The following ATRAID variants were observed in gnomAD, a reference collection of about 807,000 sequenced individuals.
ATRAID encodes all-trans retinoic acid induced differentiation factor, also known as all-trans retinoic acid-induced differentiation factor.
A neutral mutation model predicts 28.8 loss-of-function variants in ATRAID; 26 were observed. The ratio of observed to expected loss-of-function variants is 0.90; its 90% CI spans 0.66 to 1.25. The LOEUF is 1.25. ATRAID is among the 50% of genes most tolerant of loss of function. The probability of loss-of-function intolerance (pLI) is 0.00; values close to 1 mark genes in which losing one functional copy is unlikely to be tolerated. For synonymous variants in ATRAID, 131 were observed against 108.5 expected, an observed-to-expected ratio of 1.21 and a Z score of -1.29; for missense variants, 308 against 285.9, an observed-to-expected ratio of 1.08 and a Z score of -0.56.
At chr2:27,212,954 G>A (rs1674656654) in intron 1 of ATRAID, 1 of 565,112 alleles carries the variant, frequency 1.8e-6, no homozygotes, top group African/African-American at 1.9e-5. Context: ...GCGATATCTG[G>A]TACTGAAAGT....
Position 27,212,054 on chromosome 2 carries a change from G to A in ATRAID, c.-315G>A, listed in dbSNP as rs1407666348. On this transcript the variant is annotated 5_prime_UTR_variant, in exon 1 of 7. Coordinates refer to ENST00000380171, the MANE Select transcript of ATRAID (RefSeq NM_001170795.4). The stretch of plus-strand genomic sequence containing the variant: ...ATGGAGGGGCCCGAGTTTCTGCGAA[G>A]CCGCGACCTCGGCGTCCGGACGCGG... The A allele has an allele frequency of 2.8e-6, 3 of 1,072,482 alleles. No individual in the cohort carries two copies. The highest frequency in any genetic ancestry group is 3.4e-5 in the African/African-American group (2 of 58,378). 66.4% of individuals were successfully genotyped at this position (1,072,482 alleles called of 1,614,324 possible). A position where few individuals can be genotyped will look rare whatever the true frequency, so the allele number is the denominator to read the frequency against.
rs1425859235 is a variant in ATRAID, at chr2:27,212,250, G to C, written c.-119G>C. 1 of 1,560,492 alleles carries C rather than the reference G, an allele frequency of 6.4e-7. No individual in the cohort carries two copies. Among genetic ancestry groups the C allele is most frequent in the Non-Finnish European group, 8.7e-7 (1 of 1,152,846 alleles). On this transcript the variant is annotated 5_prime_UTR_variant, in exon 1 of 7. Transcript: ENST00000380171. ...CACGAGCAGGAAAAGCCCCCAAGCA[G>C]CCCCAGGGCGACTGGACCGGGCCGC...
In ATRAID at chr2:27,217,096, G is replaced by T; in HGVS notation, c.*148G>T. 1.6e-6 allele frequency: 1 copy of T among 628,896 alleles called. No homozygotes were observed. Among genetic ancestry groups the T allele is most frequent in the Non-Finnish European group, 2.7e-6 (1 of 367,538 alleles). The allele number at this position is 628,896 out of a possible 1,614,324, so 39.0% of individuals were successfully genotyped here. On this transcript the variant is annotated 3_prime_UTR_variant, in exon 7 of 7. Coordinates refer to ENST00000380171, the MANE Select transcript of ATRAID (RefSeq NM_001170795.4). ...GGAAGATGAAAAATTGCACTCCCTT[G>T]GTGTAGACAAATACCAGTTCCCATT...
intron 1 of ATRAID, 86 bp from the exon 2 acceptor site, chr2:27,213,091 G>A: frequency 1.3e-6 from 2 of 1,528,744 alleles, no homozygotes; most frequent in Non-Finnish European, 1.8e-6. Flanking sequence ...TTCTGGAAAC[G>A]TGTACTGGCA....
chr2:27,214,387 C>T (rs2148044542), intron 2 of ATRAID, among the ~76,000 whole-genome samples: 1 of 146,198 alleles, frequency 6.8e-6, no homozygotes, highest in Admixed American at 7.1e-5. Flanking sequence ...GTAGAAAATA[C>T]ATGTGGAAAA....
At position 27,216,554 on chromosome 2, in the gene ATRAID, T is replaced by A; in HGVS notation, c.519T>A (p.Pro173=). 6.2e-7 allele frequency: 1 copy of A among 1,614,164 alleles called. No homozygotes were observed. Among genetic ancestry groups the A allele is most frequent in the Non-Finnish European group, 8.5e-7 (1 of 1,179,982 alleles). Residue 173 remains proline, a synonymous_variant, in exon 6 of 7, where the codon CCT becomes CCA. Transcript: ENST00000380171. ...EMCPENGSCV[P]DGPGLLQCVC... is the part of the protein sequence containing the mutation. The stretch of plus-strand genomic sequence containing the variant: ...GTCCTGAGAATGGATCTTGTGTACC[T>A]GATGGTCCAGGTCTTTTGCAGTGTG...
chr2:27,216,889 A>ACT lies in ATRAID; in HGVS notation c.634_635dup (p.Ser213TyrfsTer26), dbSNP rs2148048396. On this transcript the variant is annotated frameshift_variant, in exon 7 of 7. Coordinates refer to ENST00000380171, the MANE Select transcript of ATRAID (RefSeq NM_001170795.4). LOFTEE classifies it high-confidence loss of function. ...GTTCTTCGGGATTCTGGGAGCCACC[A>ACT]CTCTATCCGTCTCCATTCTGCTTTG... The ACT allele has an allele frequency of 6.2e-7, 1 of 1,614,046 alleles. No individual in the cohort carries two copies. Among genetic ancestry groups the ACT allele is most frequent in the East Asian group, 2.2e-5 (1 of 44,864 alleles).
intron 1 of ATRAID, chr2:27,212,756 T>C: frequency 1.1e-6 from 1 of 880,128 alleles, no homozygotes; most frequent in Non-Finnish European, 1.6e-6. Context: ...TTGTGTAATC[T>C]CTCTACGCAC....
intron 6 of ATRAID, 90 bp from the exon 7 acceptor site, chr2:27,216,754 G>T: frequency 7.0e-7 from 1 of 1,430,156 alleles, no homozygotes; most frequent in Non-Finnish European, 9.8e-7. Flanking sequence ...CCTAGACAAA[G>T]TGATAGGTAT....
intron 6 of ATRAID, 98 bp downstream of exon 6, chr2:27,216,718 C>G (rs1366701758): frequency 1.4e-6 from 2 of 1,439,218 alleles, no homozygotes; most frequent in Non-Finnish European, 1.9e-6. Flanking sequence ...TACAAATTTC[C>G]TATAGGTGGA....
rs2148042409 is a variant in ATRAID, at chr2:27,213,393, G to A, written c.221+95G>A. The A allele has an allele frequency of 2.8e-6, 4 of 1,450,472 alleles. No individual in the cohort carries two copies. In the South Asian group the frequency reaches 5.5e-5, roughly 20 times the overall value. The allele number at this position is 1,450,472 out of a possible 1,614,324, so 89.9% of individuals were successfully genotyped here. A position where few individuals can be genotyped will look rare whatever the true frequency, so the allele number is the denominator to read the frequency against. On this transcript the variant is annotated intron_variant, in intron 2 of 6. Transcript: ENST00000380171. ...ATTATTTAAAGAATCCACCTATTAT[G>A]GTTTCAGCTGTAATCATCACGCAGA...
In ATRAID at chr2:27,217,067, C is replaced by CATTGGAAGATGAAAA; in HGVS notation, c.*124_*138dup. On this transcript the variant is annotated 3_prime_UTR_variant, in exon 7 of 7. Transcript: ENST00000380171. ...GGATTCGCCTCAAGGTTGAGGCCGC[C>CATTGGAAGATGAAAA]ATTGGAAGATGAAAAATTGCACTCC... 1 of 818,760 alleles carries CATTGGAAGATGAAAA rather than the reference C, an allele frequency of 1.2e-6. No individual in the cohort carries two copies. Among genetic ancestry groups the CATTGGAAGATGAAAA allele is most frequent in the South Asian group, 1.8e-5 (1 of 54,718 alleles). The allele number at this position is 818,760 out of a possible 1,614,324, so 50.7% of individuals were successfully genotyped here. A position where few individuals can be genotyped will look rare whatever the true frequency, so the allele number is the denominator to read the frequency against.
rs776956286 is a variant in ATRAID, at chr2:27,215,323, T to A, written c.224T>A (p.Leu75Gln). ...CLNQKGTILG[L>Q]DLQNCSLEDP... Reference sequence around the variant, plus strand: ...TATTGATTACTTTATTTCCTCAGGCTGGATCTCCAGAACTGTTCTCTGGAG... The same window carrying A: ...TATTGATTACTTTATTTCCTCAGGCAGGATCTCCAGAACTGTTCTCTGGAG... Residue 75 changes from leucine (L) to glutamine (Q), a missense_variant and splice_region_variant, in exon 3 of 7, where the codon CTG (leucine) becomes CAG (glutamine). Physicochemically the swap from Leu to Gln is moderately radical, Grantham distance 113 (BLOSUM62 -2). Coordinates refer to ENST00000380171, the MANE Select transcript of ATRAID (RefSeq NM_001170795.4). 2 of 1,614,094 alleles carry A rather than the reference T, an allele frequency of 1.2e-6. No individual in the cohort carries two copies. Among genetic ancestry groups the A allele is most frequent in the East Asian group, 4.5e-5 (2 of 44,890 alleles).
chr2:27,217,101 A>C lies in ATRAID; in HGVS notation c.*153A>C. 1 of 610,512 alleles carries C rather than the reference A, an allele frequency of 1.6e-6. No individual in the cohort carries two copies. Among genetic ancestry groups the C allele is most frequent in the Non-Finnish European group, 2.8e-6 (1 of 352,922 alleles). The allele number at this position is 610,512 out of a possible 1,614,324, so 37.8% of individuals were successfully genotyped here. A position where few individuals can be genotyped will look rare whatever the true frequency, so the allele number is the denominator to read the frequency against. On this transcript the variant is annotated 3_prime_UTR_variant, in exon 7 of 7. Coordinates refer to ENST00000380171, the MANE Select transcript of ATRAID (RefSeq NM_001170795.4). ...ATGAAAAATTGCACTCCCTTGGTGTAGACAAATACCAGTTCCCATTGGTGT... is the reference window on the plus strand; with the variant it reads ...ATGAAAAATTGCACTCCCTTGGTGTCGACAAATACCAGTTCCCATTGGTGT...
intron 5 of ATRAID, among the ~76,000 whole-genome samples, chr2:27,216,039 ATTAG>A (rs2148046968): frequency 6.6e-6 from 1 of 152,356 alleles, no homozygotes; most frequent in Admixed American, 6.5e-5. Context: ...TGGGATTATC[ATTAG>A]TTCTTACAGG....
rs1298343193 is a variant in ATRAID at position 27,212,414 on chromosome 2, G to A, written c.46G>A (p.Ala16Thr). Residue 16 changes from alanine to threonine, a missense_variant, in exon 1 of 7, where the codon GCT becomes ACT. By Grantham distance (58) the Ala-to-Thr change is moderately conservative. Coordinates refer to ENST00000380171, the MANE Select transcript of ATRAID (RefSeq NM_001170795.4). ...TAGTCTTACGACCCTGGTGCCCTGG[G>A]CTGCCGCCCTGCTCCTCGCTCTGGG... ...PGSLTTLVPW[A>T]AALLLALGVE... The A allele has an allele frequency of 1.9e-6, 3 of 1,553,662 alleles. No homozygotes were observed. Among genetic ancestry groups the A allele is most frequent in the South Asian group, 1.2e-5 (1 of 84,034 alleles).
At chr2:27,212,821 T>A (rs2148040612) in intron 1 of ATRAID, 1 of 521,352 alleles carries the variant, frequency 1.9e-6, no homozygotes, top group South Asian at 2.7e-5. Flanking sequence ...CTTGATGAGT[T>A]CTTTACGTAC....
intron 6 of ATRAID, 74 bp downstream of exon 6, chr2:27,216,694 A>G: frequency 6.7e-7 from 1 of 1,484,666 alleles, no homozygotes; most frequent in Non-Finnish European, 9.4e-7. Flanking sequence ...GAGAGCCACA[A>G]GACCAGGAGC....
intron 1 of ATRAID, chr2:27,212,834 G>T (rs1282724628): frequency 2.0e-6 from 1 of 494,316 alleles, no homozygotes; most frequent in Non-Finnish European, 3.3e-6. Flanking sequence ...TTACGTACCT[G>T]CGGTCGTTTT....
Sources: allele counts gnomAD v4.1 joint callset (sites outside exome capture counted in the v4.1 genomes callset), GRCh38; gene constraint gnomAD v4.1.1; transcripts MANE v1.5; gene names NCBI Gene and HGNC (gene_info 2026-07-23, HGNC 2026-07-21).